Variants in FHIT observed in about 807,000 individuals in gnomAD.
FHIT encodes bis(5'-adenosyl)-triphosphatase.
In FHIT, 19 loss-of-function variants were observed where a neutral mutation model predicts 17.9. The ratio of observed to expected loss-of-function variants is 1.06; its 90% CI spans 0.74 to 1.56. FHIT has a LOEUF of 1.56. Among genes scored for constraint, FHIT ranks in the 40% most tolerant of loss-of-function variants. The probability of loss-of-function intolerance (pLI) is 0.00; values close to 1 mark genes in which losing one functional copy is unlikely to be tolerated. For synonymous variants in FHIT, 81 were observed against 69.7 expected, an observed-to-expected ratio of 1.16 and a Z score of -0.81; for missense variants, 248 against 189.2, an observed-to-expected ratio of 1.31 and a Z score of -1.82.
chr3:60,496,991 C>T (rs1161411375), intron 5 of FHIT, among the ~76,000 whole-genome samples: 1 of 152,062 alleles, frequency 6.6e-6, no homozygotes, highest in Non-Finnish European at 1.5e-5. Context: ...ACATGCAAAC[C>T]TAAGCAGGTA....
At chr3:60,579,894 T>A (rs140177893) in intron 4 of FHIT, among the ~76,000 whole-genome samples, 24 of 152,258 alleles carry the variant, frequency 1.6e-4, no homozygotes, top group African/African-American at 5.5e-4. Context: ...ACTTACTCAG[T>A]TGGATCTGGC....
intron 4 of FHIT, among the ~76,000 whole-genome samples, chr3:60,655,112 C>A (rs2040084153): frequency 1.3e-5 from 2 of 152,034 alleles, no homozygotes; most frequent in Non-Finnish European, 1.5e-5. Context: ...GCAAATACTT[C>A]TTGTCTTTAG....
intron 5 of FHIT, among the ~76,000 whole-genome samples, chr3:60,084,715 T>C (rs1703426572): frequency 6.6e-6 from 1 of 152,208 alleles, no homozygotes; most frequent in Admixed American, 6.5e-5. Flanking sequence ...GTTCCTACCA[T>C]ATCATCTACA....
chr3:60,771,901 A>G (rs1700055146), intron 4 of FHIT, among the ~76,000 whole-genome samples: 1 of 152,204 alleles, frequency 6.6e-6, no homozygotes, highest in Non-Finnish European at 1.5e-5. Context: ...TATTAAGCCA[A>G]GATGTCATCA....
At chr3:59,944,707 C>A (rs564897362) in intron 7 of FHIT, among the ~76,000 whole-genome samples, 80 of 152,112 alleles carry the variant, frequency 5.3e-4, no homozygotes, top group African/African-American at 1.6e-3. Context: ...GTCCTGGTGT[C>A]TATTGTTTCT....
At chr3:59,917,835 C>G (rs1334813576) in intron 8 of FHIT, among the ~76,000 whole-genome samples, 1 of 152,212 alleles carries the variant, frequency 6.6e-6, no homozygotes, top group African/African-American at 2.4e-5. Flanking sequence ...AGCTCTCGAG[C>G]CTGCTTTCAG....
At chr3:60,939,055 A>AT (rs1346707150) in intron 3 of FHIT, among the ~76,000 whole-genome samples, 5 of 152,208 alleles carry the variant, frequency 3.3e-5, no homozygotes, top group Non-Finnish European at 7.3e-5. Context: ...CATTTTGCAG[A>AT]TAAAAAGCAG....
At chr3:60,730,674 C>G (rs773604026) in intron 4 of FHIT, 1 of 152,452 alleles carries the variant, frequency 6.6e-6, no homozygotes, top group Admixed American at 6.5e-5. Flanking sequence ...AGGACTCGCA[C>G]TGCGGCCTCC....
chr3:61,103,728 C>T (rs557972291), intron 2 of FHIT, among the ~76,000 whole-genome samples: 108 of 152,226 alleles, frequency 7.1e-4, no homozygotes, highest in Non-Finnish European at 1.4e-3. Context: ...CTTTATGAAT[C>T]TGGGTGCTCC....
chr3:61,018,895 C>T (rs2032258838), intron 3 of FHIT, among the ~76,000 whole-genome samples: 1 of 152,098 alleles, frequency 6.6e-6, no homozygotes, highest in South Asian at 2.1e-4. Context: ...ATGTGTCTAT[C>T]TTCAGTAAAA....
rs1186756618 is a variant in FHIT at position 60,014,277 on chromosome 3, G to C, written c.104-125C>G. 5 of 866,288 alleles carry C rather than the reference G, an allele frequency of 5.8e-6. No homozygotes were observed. In the East Asian group the frequency reaches 1.3e-4, roughly 23 times the overall value. The allele number at this position is 866,288 out of a possible 1,614,324, so 53.7% of individuals were successfully genotyped here. A position where few individuals can be genotyped will look rare whatever the true frequency, so the allele number is the denominator to read the frequency against. Reference sequence around the variant, plus strand: ...GAACTCTCAAAGACTAAGGAATGAAGAAACAGATATTTACCATCCACTGAA... The same window carrying C: ...GAACTCTCAAAGACTAAGGAATGAACAAACAGATATTTACCATCCACTGAA... On this transcript the variant is annotated intron_variant, in intron 5 of 9. Coordinates refer to ENST00000492590, the MANE Select transcript of FHIT (RefSeq NM_002012.4).
chr3:61,159,017 G>A (rs1285339056), intron 2 of FHIT, among the ~76,000 whole-genome samples: 1 of 152,204 alleles, frequency 6.6e-6, no homozygotes, highest in African/African-American at 2.4e-5. Context: ...AGACTGAAAT[G>A]TGATTGCCCA....
intron 3 of FHIT, among the ~76,000 whole-genome samples, chr3:60,968,324 A>T (rs1033666468): frequency 3.3e-5 from 5 of 152,228 alleles, no homozygotes; most frequent in Admixed American, 3.3e-4. Context: ...GGTCTCTAAT[A>T]TAATGATGAA....
chr3:60,242,499 C>T (rs910673184), intron 5 of FHIT, among the ~76,000 whole-genome samples: 1 of 152,062 alleles, frequency 6.6e-6, no homozygotes, highest in African/African-American at 2.4e-5. Flanking sequence ...ACATAATCTT[C>T]ATGAGATAAA....
At chr3:60,505,756 C>G (rs6768625) in intron 5 of FHIT, among the ~76,000 whole-genome samples, 2 of 151,942 alleles carry the variant, frequency 1.3e-5, no homozygotes, top group South Asian at 2.1e-4. Context: ...AAGATGTTGA[C>G]AAACTCTTAG....
At chr3:60,553,072 T>C (rs1278356244) in intron 4 of FHIT, among the ~76,000 whole-genome samples, 1 of 152,234 alleles carries the variant, frequency 6.6e-6, no homozygotes, top group East Asian at 1.9e-4. Context: ...AGACAGGCTC[T>C]GGCCACCTGA....
At chr3:60,054,525 A>C (rs1036867568) in intron 5 of FHIT, among the ~76,000 whole-genome samples, 1 of 152,168 alleles carries the variant, frequency 6.6e-6, no homozygotes, top group Non-Finnish European at 1.5e-5. Context: ...GGGTTTTCAA[A>C]TTATCCAGAA....
At chr3:60,810,052 A>G (rs1701525053) in intron 4 of FHIT, among the ~76,000 whole-genome samples, 2 of 152,184 alleles carry the variant, frequency 1.3e-5, no homozygotes, top group Non-Finnish European at 2.9e-5. Context: ...ACTCCTACAA[A>G]ATGCAAACAC....
chr3:60,781,389 G>A (rs1199605343), intron 4 of FHIT, among the ~76,000 whole-genome samples: 3 of 152,098 alleles, frequency 2.0e-5, no homozygotes, highest in Non-Finnish European at 4.4e-5. Flanking sequence ...GGACACTCAT[G>A]AAGAAACTAT....
Sources: gnomAD v4.1 joint callset for allele counts (sites outside exome capture counted in the v4.1 genomes callset) on GRCh38, gnomAD v4.1.1 for gene constraint, MANE v1.5 for transcripts, NCBI Gene and HGNC (gene_info 2026-07-23, HGNC 2026-07-21) for gene names.